FRMD4A: variants seen among roughly 807,000 people sequenced by gnomAD.
FRMD4A encodes FERM domain containing 4A.
Under a neutral mutation model 129.1 loss-of-function variants are expected in FRMD4A, and 29 were observed. The observed-to-expected ratio is 0.22, with a 90% CI of 0.17 to 0.31. The LOEUF (loss-of-function observed/expected upper bound fraction) is 0.31, where lower values mean the gene tolerates loss of function less well. FRMD4A is among the 10% of genes least tolerant of loss of function. The pLI, the probability that FRMD4A is intolerant of heterozygous loss-of-function variation, is 1.00. For synonymous variants in FRMD4A, 634 were observed against 571.6 expected (o/e 1.11, Z -1.56); for missense variants, 1,272 against 1,375.8 (o/e 0.92, Z 1.19).
chr10:13,950,152 T>C (rs938359594), intron 2 of FRMD4A, among the ~76,000 whole-genome samples: 1 of 152,230 alleles, frequency 6.6e-6, no homozygotes, highest in African/African-American at 2.4e-5. Context: ...ATGAAAAACA[T>C]GTACACACCC....
At chr10:13,858,991 T>C (rs371038255) in intron 2 of FRMD4A, 79 bp from the exon 3 acceptor site, 3 of 855,020 alleles carry the variant, frequency 3.5e-6, no homozygotes, top group East Asian at 4.8e-5. Flanking sequence ...CGCTGCACTC[T>C]GCCAGGCATA....
chr10:13,889,305 A>G (rs1460155349), intron 2 of FRMD4A, among the ~76,000 whole-genome samples: 1 of 152,056 alleles, frequency 6.6e-6, no homozygotes, highest in Non-Finnish European at 1.5e-5. Context: ...TTCCTTGGCA[A>G]CTCTTGCATA....
At position 13,952,929 on chromosome 10, in the gene FRMD4A, T is replaced by A. The variant is rs865901499; in HGVS notation, c.46-94017A>T. On this transcript the variant is annotated intron_variant, in intron 2 of 24. Transcript: ENST00000357447. ...CAGACTGGTCTATAAACTCCTGACC[T>A]CAGATGATCCACCCGCCTCAGCCTC... Among the ~76,000 whole-genome samples the A allele has an allele frequency of 3.9e-5, 6 of 152,212 alleles. No homozygotes were observed. In the Middle Eastern group the frequency reaches 0.017, roughly 431 times the overall value.
At chr10:14,126,003 C>G (rs1285982541) in intron 2 of FRMD4A, among the ~76,000 whole-genome samples, 1 of 152,058 alleles carries the variant, frequency 6.6e-6, no homozygotes, top group African/African-American at 2.4e-5. Context: ...GTATGAAAGA[C>G]TTGCCTGGAT....
At chr10:14,085,205 C>T (rs1183958184) in intron 2 of FRMD4A, among the ~76,000 whole-genome samples, 2 of 152,138 alleles carry the variant, frequency 1.3e-5, no homozygotes, top group African/African-American at 4.8e-5. Context: ...ATGGTTATGT[C>T]TAGGGATGTT....
At chr10:14,091,239 G>A (rs1000364724) in intron 2 of FRMD4A, among the ~76,000 whole-genome samples, 1 of 151,960 alleles carries the variant, frequency 6.6e-6, no homozygotes, top group Admixed American at 6.5e-5. Context: ...GATGTTGTGT[G>A]TCTGTGCATC....
chr10:14,107,575 C>A (rs1210357627), intron 2 of FRMD4A, among the ~76,000 whole-genome samples: 3 of 152,158 alleles, frequency 2.0e-5, no homozygotes, highest in African/African-American at 7.2e-5. Context: ...ATTCACTTTG[C>A]TGCATCATTT....
chr10:14,299,610 C>T (rs953277666), intron 2 of FRMD4A, among the ~76,000 whole-genome samples: 3 of 152,162 alleles, frequency 2.0e-5, no homozygotes, highest in African/African-American at 7.2e-5. Context: ...CAGCACACCT[C>T]ACCTCTCCCC....
intron 2 of FRMD4A, among the ~76,000 whole-genome samples, chr10:14,077,194 GCAACCAAGGATGATCCC>G (rs1835663446): frequency 6.6e-6 from 1 of 152,184 alleles, no homozygotes; most frequent in Non-Finnish European, 1.5e-5. Flanking sequence ...GATGCTACTT[GCAACCAAGGATGATCCC>G]CAAGACAAAA....
At chr10:14,283,202 C>T (rs911993083) in intron 2 of FRMD4A, among the ~76,000 whole-genome samples, 2 of 152,232 alleles carry the variant, frequency 1.3e-5, no homozygotes, top group African/African-American at 4.8e-5. Flanking sequence ...AACCGTAATT[C>T]TCAGCTAAAT....
At chr10:13,750,450 G>C (rs2091559823) in intron 8 of FRMD4A, among the ~76,000 whole-genome samples, 1 of 152,214 alleles carries the variant, frequency 6.6e-6, no homozygotes, top group Non-Finnish European at 1.5e-5. Context: ...CTCCTACAAA[G>C]CTCACTGACC....
intron 6 of FRMD4A, among the ~76,000 whole-genome samples, chr10:13,770,670 C>T (rs1180953594): frequency 3.9e-5 from 6 of 152,076 alleles, no homozygotes; most frequent in Non-Finnish European, 7.4e-5. Context: ...TCTTGAACTC[C>T]TGGGCTCAAG....
chr10:13,789,771 G>GTA (rs1554898663), intron 5 of FRMD4A, among the ~76,000 whole-genome samples: 1 of 82,032 alleles, frequency 1.2e-5, no homozygotes, highest in Non-Finnish European at 2.9e-5. Context: ...TGCTTATAAT[G>GTA]TGTGTGTGTG....
chr10:13,979,286 A>G (rs1303362083), intron 2 of FRMD4A, among the ~76,000 whole-genome samples: 1 of 152,202 alleles, frequency 6.6e-6, no homozygotes, highest in Non-Finnish European at 1.5e-5. Flanking sequence ...GGTCCTGCTC[A>G]TAAGAAAAGG....
At chr10:13,943,873 C>T (rs557666486) in intron 2 of FRMD4A, among the ~76,000 whole-genome samples, 2 of 150,614 alleles carry the variant, frequency 1.3e-5, no homozygotes, top group African/African-American at 4.9e-5. Flanking sequence ...GAAAGTCTGA[C>T]TCAGATGAAC....
chr10:14,175,689 T>C (rs1292469825), intron 2 of FRMD4A, among the ~76,000 whole-genome samples: 3 of 151,988 alleles, frequency 2.0e-5, no homozygotes, highest in Middle Eastern at 3.2e-3. Context: ...CATGCCCAAC[T>C]AATTTTTAAT....
At chr10:14,315,289 C>T (rs1249814885) in intron 2 of FRMD4A, among the ~76,000 whole-genome samples, 2 of 152,174 alleles carry the variant, frequency 1.3e-5, no homozygotes, top group Non-Finnish European at 2.9e-5. Flanking sequence ...CCTCTAACCA[C>T]AGCTACATAC....
At chr10:14,226,680 T>A (rs975801349) in intron 2 of FRMD4A, among the ~76,000 whole-genome samples, 1 of 152,116 alleles carries the variant, frequency 6.6e-6, no homozygotes, top group African/African-American at 2.4e-5. Context: ...CTCCAACATA[T>A]AAATGTGAGG....
intron 15 of FRMD4A, among the ~76,000 whole-genome samples, chr10:13,687,235 G>A (rs1213989584): frequency 6.6e-6 from 1 of 152,164 alleles, no homozygotes; most frequent in East Asian, 1.9e-4. Context: ...GGAAGAGGTT[G>A]CAGTGAGCCG....
Sources: gnomAD v4.1 joint callset for allele counts (sites outside exome capture counted in the v4.1 genomes callset) on GRCh38, gnomAD v4.1.1 for gene constraint, MANE v1.5 for transcripts, NCBI Gene and HGNC (gene_info 2026-07-23, HGNC 2026-07-21) for gene names.